The following PITPNC1 variants were observed in gnomAD, a reference collection of about 807,000 sequenced individuals.
PITPNC1 encodes the protein cytoplasmic phosphatidylinositol transfer protein 1.
In PITPNC1, 18 loss-of-function variants were observed where a neutral mutation model predicts 44.7. The ratio of observed to expected loss-of-function variants is 0.40; its 90% CI spans 0.28 to 0.60. The LOEUF (loss-of-function observed/expected upper bound fraction) is 0.60. PITPNC1 is among the 20% of genes least tolerant of loss of function. The pLI, the probability that PITPNC1 is intolerant of heterozygous loss-of-function variation, is 0.39. For synonymous variants in PITPNC1, 141 were observed against 149.6 expected (o/e 0.94, Z 0.42); for missense variants, 290 against 418.4 (o/e 0.69, Z 2.68).
chr17:67,474,820 GC>G lies in PITPNC1; in HGVS notation c.49-57981del, dbSNP rs1469259741. On this transcript the variant is annotated intron_variant, in intron 1 of 8. Transcript: ENST00000581322. ...CAGGTGCACACCACCATGCCCGGCG[GC>G]TTTTTTTTTTTTCTTGAAGAGGGGG... Among the ~76,000 whole-genome samples, 215 of 148,904 alleles carry G rather than the reference GC, an allele frequency of 1.4e-3. 2 individuals are homozygous for G. The highest frequency in any genetic ancestry group is 0.01 in the East Asian group (51 of 5,064).
intron 6 of PITPNC1, among the ~76,000 whole-genome samples, chr17:67,632,586 CT>C (rs1194543004): frequency 0.031 from 3,103 of 99,040 alleles, 54 homozygotes; most frequent in African/African-American, 0.08. Context: ...TTTTTTTTTT[CT>C]TTTTTTTTTT....
intron 1 of PITPNC1, among the ~76,000 whole-genome samples, chr17:67,380,478 A>T (rs902030387): frequency 6.6e-5 from 10 of 152,202 alleles, no homozygotes; most frequent in African/African-American, 1.7e-4. Flanking sequence ...CCAAAGTATG[A>T]TTCAGTTTCT....
At chr17:67,496,726 C>T (rs528165143) in intron 1 of PITPNC1, among the ~76,000 whole-genome samples, 1 of 152,196 alleles carries the variant, frequency 6.6e-6, no homozygotes, top group South Asian at 2.1e-4. Flanking sequence ...AGTGTGATCA[C>T]AGAAGGTTAG....
At chr17:67,399,992 G>A (rs1169651739) in intron 1 of PITPNC1, among the ~76,000 whole-genome samples, 1 of 152,166 alleles carries the variant, frequency 6.6e-6, no homozygotes, top group Non-Finnish European at 1.5e-5. Context: ...CTGTATTAGG[G>A]GCTGATCTCA....
chr17:67,665,948 C>A (rs1223205643), intron 6 of PITPNC1, among the ~76,000 whole-genome samples: 5 of 151,594 alleles, frequency 3.3e-5, no homozygotes, highest in Non-Finnish European at 7.4e-5. Context: ...TCAAGCGCTT[C>A]TCTTGCCTCA....
At position 67,527,316 on chromosome 17, in the gene PITPNC1, A is replaced by G. The variant is rs901712088; in HGVS notation, c.49-5486A>G. On this transcript the variant is annotated intron_variant, in intron 1 of 8. Transcript: ENST00000581322. ...GGGGGGTCAGAATCCCAATTCTGAC[A>G]TCTAGAAACTCTGTAACATACAGTC... Among the ~76,000 whole-genome samples the G allele has an allele frequency of 3.3e-5, 5 of 152,354 alleles. No individual in the cohort carries two copies. The South Asian group carries it at 1.0e-3, about 32-fold the overall frequency.
In PITPNC1 at chr17:67,583,487, C is replaced by A. The variant is rs548161568; in HGVS notation, c.366+5230C>A. 3.1e-3 allele frequency among the ~76,000 whole-genome samples: 462 copies of A among 150,944 alleles called. 4 individuals carry two copies. Among genetic ancestry groups the A allele is most frequent in the African/African-American group, 0.011 (445 of 41,146 alleles). On this transcript the variant is annotated intron_variant, in intron 5 of 8. Transcript: ENST00000581322. ...CCTGTAATCCCAGCTACTAGGGAGG[C>A]TGAGGCAGGAGAATTGTTTGAATCT...
Position 67,694,203 on chromosome 17 carries a change from G to C in PITPNC1, c.*1315G>C, listed in dbSNP as rs963877582. Reference sequence around the variant, plus strand: ...TCCTTTGCTCCAAAGAGAGAAATCTGTCACCTTTGCACCTCACTGCCTTTA... The same window carrying C: ...TCCTTTGCTCCAAAGAGAGAAATCTCTCACCTTTGCACCTCACTGCCTTTA... On this transcript the variant is annotated 3_prime_UTR_variant, in exon 9 of 9. Coordinates refer to ENST00000581322, the MANE Select transcript of PITPNC1 (RefSeq NM_012417.4). The C allele has an allele frequency of 2.6e-5, 4 of 152,218 alleles. No individual in the cohort carries two copies. The highest frequency in any genetic ancestry group is 4.4e-5 in the Non-Finnish European group (3 of 68,054). 9.4% of individuals were successfully genotyped at this position (152,218 alleles called of 1,614,324 possible).
intron 1 of PITPNC1, among the ~76,000 whole-genome samples, chr17:67,441,278 C>G (rs1023300499): frequency 2.2e-5 from 2 of 90,472 alleles, no homozygotes; most frequent in African/African-American, 9.3e-5. Context: ...ATTTATTAAG[C>G]CCCCCCCCGC....
chr17:67,528,942 C>T (rs923946440), intron 1 of PITPNC1, among the ~76,000 whole-genome samples: 1 of 152,082 alleles, frequency 6.6e-6, no homozygotes, highest in Non-Finnish European at 1.5e-5. Flanking sequence ...TGGCCCAGTT[C>T]CCATGGCCAC....
intron 6 of PITPNC1, among the ~76,000 whole-genome samples, chr17:67,644,660 C>T (rs781529323): frequency 6.6e-6 from 1 of 152,090 alleles, no homozygotes; most frequent in Non-Finnish European, 1.5e-5. Flanking sequence ...CTCTCGAACT[C>T]CTGACTTCAG....
At chr17:67,647,798 G>A (rs1382085773) in intron 6 of PITPNC1, among the ~76,000 whole-genome samples, 2 of 152,114 alleles carry the variant, frequency 1.3e-5, no homozygotes, top group Non-Finnish European at 2.9e-5. Context: ...CAGGGCATGT[G>A]TTCTCTCACT....
At chr17:67,414,800 A>G (rs2038562979) in intron 1 of PITPNC1, among the ~76,000 whole-genome samples, 1 of 152,226 alleles carries the variant, frequency 6.6e-6, no homozygotes, top group Non-Finnish European at 1.5e-5. Context: ...GGGAAGGTCC[A>G]GTTGAATTGA....
chr17:67,461,472 T>C (rs2143973650), intron 1 of PITPNC1, among the ~76,000 whole-genome samples: 1 of 152,344 alleles, frequency 6.6e-6, no homozygotes, highest in Admixed American at 6.5e-5. Context: ...ACCACATACA[T>C]ATCACACAGG....
At position 67,526,557 on chromosome 17, in the gene PITPNC1, C is replaced by T. The variant is rs552447888; in HGVS notation, c.49-6245C>T. Among the ~76,000 whole-genome samples, 11 of 151,886 alleles carry T rather than the reference C, an allele frequency of 7.2e-5. No homozygotes were observed. The South Asian group carries it at 1.2e-3, about 17-fold the overall frequency. ...CAGCCTGGCCAACCTGGTGAAACCC[C>T]GTTTCTACTAAAAAAATAACAAAAC... On this transcript the variant is annotated intron_variant, in intron 1 of 8. Transcript: ENST00000581322.
intron 6 of PITPNC1, among the ~76,000 whole-genome samples, chr17:67,668,239 T>C (rs1598961355): frequency 6.6e-6 from 1 of 152,352 alleles, no homozygotes; most frequent in Non-Finnish European, 1.5e-5. Context: ...ACAATGTATA[T>C]GCTATTGCAT....
At position 67,509,758 on chromosome 17, in the gene PITPNC1, G is replaced by T. The variant is rs142634279; in HGVS notation, c.49-23044G>T. Among the ~76,000 whole-genome samples, 325 of 152,214 alleles carry T rather than the reference G, an allele frequency of 2.1e-3. 2 individuals carry two copies. Among genetic ancestry groups the T allele is most frequent in the African/African-American group, 7.5e-3 (310 of 41,530 alleles). On this transcript the variant is annotated intron_variant, in intron 1 of 8. Coordinates refer to ENST00000581322, the MANE Select transcript of PITPNC1 (RefSeq NM_012417.4). ...GGGGAACATTCCCACATACTTGGGGGTGGGGAGGAAGAATCAACTTCCTGA... is the reference window on the plus strand; with the variant it reads ...GGGGAACATTCCCACATACTTGGGGTTGGGGAGGAAGAATCAACTTCCTGA...
chr17:67,510,912 G>A (rs538037861), intron 1 of PITPNC1, among the ~76,000 whole-genome samples: 60 of 152,080 alleles, frequency 3.9e-4, no homozygotes, highest in African/African-American at 1.3e-3. Flanking sequence ...CCATGCCAGC[G>A]TATTGTTTCT....
chr17:67,504,835 A>T (rs955777634), intron 1 of PITPNC1, among the ~76,000 whole-genome samples: 5 of 152,146 alleles, frequency 3.3e-5, no homozygotes, highest in Non-Finnish European at 7.3e-5. Context: ...TAAGTTATTG[A>T]TGCGAAATCT....
Sources: allele counts gnomAD v4.1 joint callset (sites outside exome capture counted in the v4.1 genomes callset), GRCh38; gene constraint gnomAD v4.1.1; transcripts MANE v1.5; gene names NCBI Gene and HGNC (gene_info 2026-07-23, HGNC 2026-07-21).